Variants in SPECC1L observed in about 807,000 individuals in gnomAD.
The protein encoded by SPECC1L is sperm antigen with calponin homology and coiled-coil domains 1 like, also known as cytospin-A.
In SPECC1L, 40 loss-of-function variants were observed where a neutral mutation model predicts 116.8. The ratio of observed to expected loss-of-function variants is 0.34; its 90% CI spans 0.27 to 0.45. The LOEUF (loss-of-function observed/expected upper bound fraction) is 0.45. Among genes scored for constraint, SPECC1L ranks in the 20% least tolerant of loss-of-function variants. SPECC1L has a pLI of 1.00. For missense variants in SPECC1L, 1,110 were observed against 1,373.6 expected (o/e 0.81, Z 3.03); for synonymous variants, 504 against 500.6 (o/e 1.01, Z -0.09).
At chr22:24,362,683 C>T (rs1388087170) in intron 11 of SPECC1L, among the ~76,000 whole-genome samples, 1 of 152,164 alleles carries the variant, frequency 6.6e-6, no homozygotes, top group East Asian at 1.9e-4. Context: ...GTACCTTTCT[C>T]TGACTGTTGT....
intron 3 of SPECC1L, among the ~76,000 whole-genome samples, chr22:24,308,309 T>C: frequency 6.6e-6 from 1 of 152,250 alleles, no homozygotes; most frequent in Non-Finnish European, 1.5e-5. Context: ...TCCAGGATTA[T>C]GTATTGCATT....
At chr22:24,382,301 G>A (rs375349149) in intron 14 of SPECC1L, among the ~76,000 whole-genome samples, 3 of 152,048 alleles carry the variant, frequency 2.0e-5, no homozygotes, top group Non-Finnish European at 4.4e-5. Context: ...ACAAAGCAGT[G>A]GTCCAGAGTT....
rs750621737 is a variant in SPECC1L, at chr22:24,302,315, T to A, written c.84T>A (p.Pro28=). Reference sequence around the variant, plus strand: ...CGCAAACAGCAGAAAAAATTAAACCTGAAAACAGCTCTTCAGCATCTACGG... The same window carrying A: ...CGCAAACAGCAGAAAAAATTAAACCAGAAAACAGCTCTTCAGCATCTACGG... ...SKTQTAEKIK[P]ENSSSASTGG... is the part of the protein sequence containing the mutation. The change falls in exon 3 of 17, where the codon CCT becomes CCA. Residue 28 remains proline, a synonymous_variant. Transcript: ENST00000314328. 2 of 1,614,042 alleles carry A rather than the reference T, an allele frequency of 1.2e-6. No individual in the cohort carries two copies. The highest frequency in any genetic ancestry group is 2.7e-5 in the African/African-American group (2 of 74,918).
At chr22:24,375,391 C>G (rs570018602) in intron 14 of SPECC1L, among the ~76,000 whole-genome samples, 1 of 152,028 alleles carries the variant, frequency 6.6e-6, no homozygotes, top group African/African-American at 2.4e-5. Context: ...CTGTAAAAGC[C>G]CTTGACAAAA....
At chr22:24,387,552 A>G (rs560839018) in intron 14 of SPECC1L, among the ~76,000 whole-genome samples, 19 of 152,124 alleles carry the variant, frequency 1.2e-4, no homozygotes, top group Admixed American at 1.2e-3. Flanking sequence ...TTTTTTTGGT[A>G]TTTTCAGGAA....
intron 14 of SPECC1L, among the ~76,000 whole-genome samples, chr22:24,381,966 T>G (rs1224210410): frequency 1.3e-5 from 2 of 152,122 alleles, no homozygotes; most frequent in Non-Finnish European, 2.9e-5. Context: ...TAAATAGAAG[T>G]TAGGAAATAA....
At position 24,280,459 on chromosome 22, in the gene SPECC1L, A is replaced by G. The variant is rs1010048084; in HGVS notation, c.-38+3656A>G. On this transcript the variant is annotated intron_variant, in intron 2 of 16. Transcript: ENST00000314328. ...CTGTCTGTAAAGGGCCAGACAGTAA[A>G]TGTTTTAGTCATTGAAGACCTTAAG... Among the ~76,000 whole-genome samples, 42 of 151,896 alleles carry G rather than the reference A, an allele frequency of 2.8e-4. No homozygotes were observed. The East Asian group carries it at 3.1e-3, about 11-fold the overall frequency.
intron 2 of SPECC1L, among the ~76,000 whole-genome samples, chr22:24,295,535 C>G (rs946093994): frequency 1.3e-5 from 2 of 151,926 alleles, no homozygotes; most frequent in African/African-American, 4.8e-5. Context: ...AAGAATTTTA[C>G]TTTTACAGCT....
At chr22:24,336,366 G>A (rs932168863) in intron 9 of SPECC1L, among the ~76,000 whole-genome samples, 2 of 151,950 alleles carry the variant, frequency 1.3e-5, no homozygotes, top group African/African-American at 2.4e-5. Context: ...TGCATTTAAA[G>A]TGCAAGAAAG....
chr22:24,333,720 G>A (rs2040987534), intron 8 of SPECC1L, among the ~76,000 whole-genome samples: 1 of 151,904 alleles, frequency 6.6e-6, no homozygotes, highest in South Asian at 2.1e-4. Flanking sequence ...TAGTTATCAG[G>A]TACTGGTGAA....
intron 16 of SPECC1L, 126 bp downstream of exon 16, chr22:24,412,833 G>A: frequency 1.0e-6 from 1 of 975,220 alleles, no homozygotes; most frequent in African/African-American, 1.6e-5. Flanking sequence ...GCAGCTATGG[G>A]GTGCTCTGGG....
intron 2 of SPECC1L, 79 bp from the exon 3 acceptor site, chr22:24,302,116 G>C (rs2049392856): frequency 8.8e-7 from 1 of 1,138,328 alleles, no homozygotes; most frequent in Admixed American, 2.0e-5. Context: ...TTATCACATG[G>C]TAAAATTCTT....
At chr22:24,312,671 C>T (rs918593150) in intron 3 of SPECC1L, among the ~76,000 whole-genome samples, 4 of 152,034 alleles carry the variant, frequency 2.6e-5, no homozygotes, top group Non-Finnish European at 5.9e-5. Context: ...TTTTAAGGCT[C>T]ATGTTTTTTA....
intron 11 of SPECC1L, among the ~76,000 whole-genome samples, chr22:24,353,220 T>C (rs1255639347): frequency 6.6e-6 from 1 of 152,220 alleles, no homozygotes; most frequent in Non-Finnish European, 1.5e-5. Context: ...TGTCCTTTTT[T>C]AATTCTAGAA....
intron 1 of SPECC1L, among the ~76,000 whole-genome samples, chr22:24,274,134 A>G (rs976649260): frequency 3.9e-5 from 6 of 152,218 alleles, no homozygotes; most frequent in Non-Finnish European, 8.8e-5. Context: ...AATTGTTAGT[A>G]CTGAATAGAC....
intron 2 of SPECC1L, among the ~76,000 whole-genome samples, chr22:24,282,517 T>C (rs1417054159): frequency 6.6e-6 from 1 of 152,216 alleles, no homozygotes; most frequent in Non-Finnish European, 1.5e-5. Context: ...GTTTCAATCG[T>C]GGTAAAAGTG....
At chr22:24,406,407 A>G (rs549276655) in intron 14 of SPECC1L, among the ~76,000 whole-genome samples, 17 of 152,152 alleles carry the variant, frequency 1.1e-4, no homozygotes, top group Non-Finnish European at 2.2e-4. Context: ...TGCGAGCAGT[A>G]CCTCACTGTC....
chr22:24,300,141 C>T (rs1164107869), intron 2 of SPECC1L, among the ~76,000 whole-genome samples: 1 of 152,168 alleles, frequency 6.6e-6, no homozygotes, highest in African/African-American at 2.4e-5. Flanking sequence ...CCTCGTTCCC[C>T]ACCCCACAAC....
chr22:24,350,560 C>T (rs1360808673), intron 11 of SPECC1L, among the ~76,000 whole-genome samples: 3 of 152,084 alleles, frequency 2.0e-5, no homozygotes, highest in Admixed American at 1.3e-4. Flanking sequence ...CTCATTGGCC[C>T]ACAAGTCAAA....
Sources: gnomAD v4.1 joint callset for allele counts (sites outside exome capture counted in the v4.1 genomes callset) on GRCh38, gnomAD v4.1.1 for gene constraint, MANE v1.5 for transcripts, NCBI Gene and HGNC (gene_info 2026-07-23, HGNC 2026-07-21) for gene names.